The following LAMA2 variants were observed in gnomAD, a reference collection of about 807,000 sequenced individuals.
The protein encoded by LAMA2 is laminin subunit alpha 2, also known as laminin subunit alpha-2.
Under a neutral mutation model 364.8 loss-of-function variants are expected in LAMA2, and 269 were observed. The ratio of observed to expected loss-of-function variants is 0.74; its 90% CI spans 0.67 to 0.82. The LOEUF is 0.82. Ranked by LOEUF, LAMA2 falls within the 40% of genes least tolerant of loss-of-function variation. LAMA2 has a pLI of 0.00. For missense variants in LAMA2, 3,807 were observed against 3,873.2 expected (o/e 0.98, Z 0.45); for synonymous variants, 1,379 against 1,370.6 (o/e 1.01, Z -0.14).
chr6:129,291,067 A>G (rs976390737), intron 19 of LAMA2, among the ~76,000 whole-genome samples: 1 of 152,226 alleles, frequency 6.6e-6, no homozygotes, highest in Non-Finnish European at 1.5e-5. Flanking sequence ...AAATTTTTCT[A>G]GATTAATAGT....
At chr6:129,011,923 T>C (rs1757589093) in intron 1 of LAMA2, among the ~76,000 whole-genome samples, 1 of 152,216 alleles carries the variant, frequency 6.6e-6, no homozygotes, top group African/African-American at 2.4e-5. Context: ...ACAAACATTG[T>C]AGAAGCAAGA....
At chr6:129,187,197 G>A (rs1484039130) in intron 10 of LAMA2, among the ~76,000 whole-genome samples, 1 of 151,648 alleles carries the variant, frequency 6.6e-6, no homozygotes, top group Non-Finnish European at 1.5e-5. Flanking sequence ...GGATGACAAT[G>A]GTCGATGAGT....
At chr6:129,305,500 T>G (rs1051305835) in intron 22 of LAMA2, among the ~76,000 whole-genome samples, 9 of 152,040 alleles carry the variant, frequency 5.9e-5, no homozygotes, top group East Asian at 3.9e-4. Flanking sequence ...AATTTTTAAG[T>G]TTTTTGTAGA....
In LAMA2 at chr6:129,475,392, T is replaced by G; in HGVS notation, c.7442T>G (p.Met2481Arg). The G allele has an allele frequency of 6.4e-7, 1 of 1,557,416 alleles. No homozygotes were observed. The highest frequency in any genetic ancestry group is 8.8e-7 in the Non-Finnish European group (1 of 1,138,710). The change falls in exon 53 of 65, where the codon ATG becomes AGG. Residue 2481 changes from methionine (M) to arginine (R), a missense_variant and splice_region_variant. Met to Arg is a moderately conservative substitution (Grantham distance 91). This residue lies in a region of LAMA2 where 3,333 missense variants were observed against 3,345.7 expected (regional missense o/e 1.00). Transcript: ENST00000421865. ...TTTTCCTCTTTCCCGTTATCTAGTA[T>G]GAAAGCAAGGTAAAATTTAAATTTA... ...GGLPTLRNLSMKARPEVNLKK... is the reference protein window; with the variant it reads ...GGLPTLRNLSRKARPEVNLKK...
intron 8 of LAMA2, among the ~76,000 whole-genome samples, chr6:129,162,662 TA>T: frequency 6.6e-6 from 1 of 152,268 alleles, no homozygotes; most frequent in East Asian, 1.9e-4. Context: ...ACATAGCCAT[TA>T]TTTGTTTCTT....
intron 1 of LAMA2, among the ~76,000 whole-genome samples, chr6:129,033,161 A>G (rs1486462941): frequency 6.6e-6 from 1 of 152,062 alleles, no homozygotes; most frequent in Non-Finnish European, 1.5e-5. Context: ...GGAAGAGAAG[A>G]ATGAAATAAG....
intron 1 of LAMA2, among the ~76,000 whole-genome samples, chr6:128,961,510 A>G (rs1242499103): frequency 6.7e-6 from 1 of 149,856 alleles, no homozygotes; most frequent in African/African-American, 2.5e-5. Flanking sequence ...AAGGAGAGCC[A>G]GTCTGGGTCC....
At chr6:129,401,191 C>A (rs1476248908) in intron 37 of LAMA2, 33 bp from the exon 38 acceptor site, 19 of 1,340,432 alleles carry the variant, frequency 1.4e-5, no homozygotes, top group Non-Finnish European at 2.0e-5. Context: ...TATGAAAATG[C>A]AATTTTGATG....
chr6:129,447,375 G>C (rs1017268578), intron 45 of LAMA2, among the ~76,000 whole-genome samples: 1 of 152,188 alleles, frequency 6.6e-6, no homozygotes, highest in African/African-American at 2.4e-5. Context: ...TGGGGAGTTG[G>C]GGGTGGAGTC....
rs1554207594 is a variant in LAMA2 at position 129,055,176 on chromosome 6, T to TTTATTATTTA, written c.284-4600_284-4599insTATTATTATT. On this transcript the variant is annotated intron_variant, in intron 2 of 64. Transcript: ENST00000421865. ...CTGGATTTACTTTACATTATTATTA[T>TTTATTATTTA]TTATTATTATTATTATTATTATTAT... Among the ~76,000 whole-genome samples, 738 of 123,746 alleles carry TTTATTATTTA rather than the reference T, an allele frequency of 6.0e-3. 9 individuals carry two copies. Among genetic ancestry groups the TTTATTATTTA allele is most frequent in the African/African-American group, 0.023 (682 of 30,178 alleles). The allele number at this position is 123,746 out of a possible 152,430, so 81.2% of individuals were successfully genotyped here.
chr6:129,440,709 T>C, intron 42 of LAMA2, 107 bp from the exon 43 acceptor site: 2 of 982,148 alleles, frequency 2.0e-6, no homozygotes, highest in Non-Finnish European at 1.6e-6. Context: ...TTTCCCTTTG[T>C]AAATGTGTCC....
At chr6:129,409,746 C>T (rs1057359275) in intron 40 of LAMA2, among the ~76,000 whole-genome samples, 1 of 152,186 alleles carries the variant, frequency 6.6e-6, no homozygotes, top group South Asian at 2.1e-4. Context: ...GCCATTGACA[C>T]CTCAAGGACT....
intron 1 of LAMA2, among the ~76,000 whole-genome samples, chr6:128,977,206 C>G (rs541023249): frequency 6.6e-6 from 1 of 151,206 alleles, no homozygotes; most frequent in African/African-American, 2.4e-5. Context: ...GTTCCTCCCC[C>G]TCTCTGTTTC....
intron 1 of LAMA2, among the ~76,000 whole-genome samples, chr6:129,014,651 C>T (rs1784967891): frequency 6.6e-6 from 1 of 151,858 alleles, no homozygotes; most frequent in African/African-American, 2.4e-5. Context: ...TATTAAAGAG[C>T]ATAATTAAAA....
intron 14 of LAMA2, among the ~76,000 whole-genome samples, 170 bp from the exon 15 acceptor site, chr6:129,260,541 T>A (rs1787045372): frequency 6.6e-6 from 1 of 152,162 alleles, no homozygotes; most frequent in Non-Finnish European, 1.5e-5. Flanking sequence ...CTGAGCCAAC[T>A]TGACCTAATA....
chr6:129,514,343 T>C (rs1239722847), intron 63 of LAMA2, 30 bp from the exon 64 acceptor site: 8 of 1,466,732 alleles, frequency 5.5e-6, no homozygotes, highest in African/African-American at 4.2e-5. Context: ...AATGAAACCA[T>C]CTGTGACTGT....
intron 47 of LAMA2, among the ~76,000 whole-genome samples, chr6:129,455,887 A>T (rs1437070089): frequency 1.3e-5 from 2 of 152,202 alleles, no homozygotes; most frequent in Non-Finnish European, 2.9e-5. Flanking sequence ...ATGATATGAA[A>T]GGGTGGCTCA....
chr6:129,412,506 A>C (rs1780585611), intron 40 of LAMA2, among the ~76,000 whole-genome samples: 1 of 152,206 alleles, frequency 6.6e-6, no homozygotes, highest in East Asian at 1.9e-4. Flanking sequence ...GAGAGAAAAA[A>C]ATAAAGAAAT....
At chr6:129,308,673 A>T (rs903770519) in intron 22 of LAMA2, among the ~76,000 whole-genome samples, 1 of 152,216 alleles carries the variant, frequency 6.6e-6, no homozygotes, top group Non-Finnish European at 1.5e-5. Context: ...TGTATCAGAC[A>T]ATTCTTGCAT....
Sources: allele counts gnomAD v4.1 joint callset (sites outside exome capture counted in the v4.1 genomes callset), GRCh38; gene constraint gnomAD v4.1.1; regional missense constraint gnomAD v4.1.1; transcripts MANE v1.5; gene names NCBI Gene and HGNC (gene_info 2026-07-23, HGNC 2026-07-21).